Variants in TMEM165 observed in about 807,000 individuals in gnomAD.
TMEM165 encodes transmembrane protein 165.
A neutral mutation model predicts 30.0 loss-of-function variants in TMEM165; 19 were observed. The observed-to-expected ratio is 0.63, with a 90% CI of 0.44 to 0.93. TMEM165 has a LOEUF of 0.93. Among genes scored for constraint, TMEM165 ranks in the 40% least tolerant of loss-of-function variants. The pLI is 0.00. For missense variants in TMEM165, 340 were observed against 417.0 expected, an observed-to-expected ratio of 0.82 and a Z score of 1.61; for synonymous variants, 168 against 162.9, an observed-to-expected ratio of 1.03 and a Z score of -0.24.
intron 1 of TMEM165, among the ~76,000 whole-genome samples, chr4:55,398,234 G>C (rs1720814026): frequency 6.6e-6 from 1 of 152,322 alleles, no homozygotes; most frequent in South Asian, 2.1e-4. Flanking sequence ...CTTACTGGAA[G>C]TACTCAGGAA....
At chr4:55,402,925 G>A (rs1436013739) in intron 1 of TMEM165, among the ~76,000 whole-genome samples, 1 of 149,830 alleles carries the variant, frequency 6.7e-6, no homozygotes, top group Admixed American at 6.7e-5. Flanking sequence ...CCAAGTAGCT[G>A]GGACTACAGG....
At chr4:55,431,960 T>TTTAA (rs1382767084) in intron 3 of TMEM165, 1 of 152,244 alleles carries the variant, frequency 6.6e-6, no homozygotes, top group Non-Finnish European at 1.5e-5. Context: ...AGCAGACTGC[T>TTTAA]TTAAGGCAAT....
At chr4:55,442,815 C>T (rs528385837) in intron 3 of TMEM165, among the ~76,000 whole-genome samples, 1 of 151,986 alleles carries the variant, frequency 6.6e-6, no homozygotes, top group South Asian at 2.1e-4. Context: ...ATGAATTAGT[C>T]TTGAATATCT....
chr4:55,449,518 G>A (rs750710349), intron 3 of TMEM165: 2 of 1,542,852 alleles, frequency 1.3e-6, no homozygotes, highest in Non-Finnish European at 1.8e-6. Context: ...AAAATCAGAA[G>A]AGCATTAGTA....
intron 2 of TMEM165, chr4:55,416,869 T>C: frequency 2.3e-6 from 1 of 429,904 alleles, no homozygotes; most frequent in Non-Finnish European, 4.1e-6. Context: ...CTGAGTAAGC[T>C]GTGTTAGGCC....
intron 2 of TMEM165, chr4:55,412,268 C>T (rs1051425121): frequency 3.6e-5 from 8 of 221,212 alleles, no homozygotes; most frequent in Non-Finnish European, 7.1e-5. Context: ...GTAATGTGCA[C>T]CTGTAATCCC....
intron 2 of TMEM165, among the ~76,000 whole-genome samples, chr4:55,412,393 CAAAAAAAAA>C (rs371124857): frequency 5.5e-5 from 3 of 54,366 alleles, no homozygotes; most frequent in South Asian, 1.1e-3. Flanking sequence ...GACTCCATCT[CAAAAAAAAA>C]AAAAAAAAAA....
At chr4:55,421,512 G>A (rs1721975273) in intron 4 of TMEM165, among the ~76,000 whole-genome samples, 1 of 151,800 alleles carries the variant, frequency 6.6e-6, no homozygotes, top group Admixed American at 6.6e-5. Context: ...TGCAGAGGCT[G>A]GTCTCGAACT....
chr4:55,440,419 G>A (rs181885685), intron 3 of TMEM165, among the ~76,000 whole-genome samples: 8 of 152,202 alleles, frequency 5.3e-5, no homozygotes, highest in African/African-American at 1.9e-4. Flanking sequence ...TGCCTTTTCT[G>A]TGAGATGAAG....
chr4:55,434,741 G>C (rs953011175), intron 3 of TMEM165: 1 of 155,038 alleles, frequency 6.5e-6, no homozygotes, highest in Non-Finnish European at 1.4e-5. Flanking sequence ...GGATGGATCA[G>C]TTTGCACATG....
rs561809012 is a variant in TMEM165 at position 55,434,152 on chromosome 4, C to T, written c.408+9509C>T. 2.6e-4 allele frequency: 40 copies of T among 152,698 alleles called. No homozygotes were observed. The South Asian group carries it at 5.2e-3, about 20-fold the overall frequency. 9.5% of individuals were successfully genotyped at this position (152,698 alleles called of 1,614,324 possible). A position where few individuals can be genotyped will look rare whatever the true frequency, so the allele number is the denominator to read the frequency against. On this transcript the variant is annotated intron_variant, in intron 3 of 3. Coordinates refer to the TMEM165 transcript ENST00000608091. The stretch of plus-strand genomic sequence containing the variant: ...AGGTACTAAGGTTTCAAAACTGCTA[C>T]GGAAACCGGACAATGACTTCAAGAT...
At chr4:55,396,570 T>G (rs984028767) in intron 1 of TMEM165, among the ~76,000 whole-genome samples, 174 bp downstream of exon 1, 5 of 152,186 alleles carry the variant, frequency 3.3e-5, no homozygotes, top group African/African-American at 1.2e-4. Context: ...AGGCCTGGTC[T>G]TGCCCGCTCC....
chr4:55,418,260 C>T (rs1721821832), intron 4 of TMEM165: 1 of 317,146 alleles, frequency 3.2e-6, no homozygotes, highest in Non-Finnish European at 5.7e-6. Context: ...GTCATCTTAG[C>T]TTGGTTTTCT....
intron 1 of TMEM165, among the ~76,000 whole-genome samples, chr4:55,403,800 T>G (rs1386700248): frequency 6.6e-6 from 1 of 152,170 alleles, no homozygotes; most frequent in Admixed American, 6.5e-5. Flanking sequence ...GCCTGTACTG[T>G]CTGCCTTTTT....
In TMEM165 at chr4:55,425,538, A is replaced by G. The variant is rs778334057; in HGVS notation, c.*86A>G. On this transcript the variant is annotated 3_prime_UTR_variant, in exon 6 of 6. Coordinates refer to ENST00000381334, the MANE Select transcript of TMEM165 (RefSeq NM_018475.5). ...TGTACATTACAACTAAAAGTGATGG[A>G]AAAATACTGTATTTTGTAGCACTGA... is the stretch of plus-strand genomic sequence containing the variant. The G allele has an allele frequency of 2.8e-5, 29 of 1,047,310 alleles. No individual in the cohort carries two copies. The highest frequency in any genetic ancestry group is 4.0e-5 in the Non-Finnish European group (28 of 692,672). 64.9% of individuals were successfully genotyped at this position (1,047,310 alleles called of 1,614,324 possible).
At chr4:55,440,368 A>C (rs541306392) in intron 3 of TMEM165, among the ~76,000 whole-genome samples, 13 of 152,174 alleles carry the variant, frequency 8.5e-5, no homozygotes, top group Middle Eastern at 3.4e-3. Flanking sequence ...CAATAACCCC[A>C]AAAAAATGAT....
chr4:55,443,779 T>C (rs1025851448), intron 3 of TMEM165: 2 of 1,613,966 alleles, frequency 1.2e-6, no homozygotes, highest in Non-Finnish European at 8.5e-7. Context: ...ATCTGGTTAG[T>C]AGGAACAACT....
At chr4:55,420,995 C>G (rs1034525819) in intron 4 of TMEM165, among the ~76,000 whole-genome samples, 1 of 151,770 alleles carries the variant, frequency 6.6e-6, no homozygotes, top group African/African-American at 2.4e-5. Flanking sequence ...GTCAGGAGCT[C>G]GAGACCAGCC....
At chr4:55,451,568 T>C (rs1432222882) in intron 3 of TMEM165, among the ~76,000 whole-genome samples, 2 of 152,210 alleles carry the variant, frequency 1.3e-5, no homozygotes, top group Non-Finnish European at 2.9e-5. Context: ...AGGGGGATCA[T>C]GATGCTGGCA....
Sources: allele counts gnomAD v4.1 joint callset (sites outside exome capture counted in the v4.1 genomes callset), GRCh38; gene constraint gnomAD v4.1.1; transcripts MANE v1.5; gene names NCBI Gene and HGNC (gene_info 2026-07-23, HGNC 2026-07-21).